Variants in GNAQ observed in about 807,000 individuals in gnomAD.
GNAQ encodes G protein subunit alpha q.
A neutral mutation model predicts 43.9 loss-of-function variants in GNAQ; 8 were observed. That is an observed-to-expected ratio of 0.18 (90% CI 0.11 to 0.33). GNAQ has a LOEUF of 0.33. GNAQ is among the 10% of genes least tolerant of loss of function. The pLI, the probability that GNAQ is intolerant of heterozygous loss-of-function variation, is 1.00. For synonymous variants in GNAQ, 155 were observed against 170.7 expected (o/e 0.91, Z 0.71); for missense variants, 158 against 450.8 (o/e 0.35, Z 5.88).
intron 3 of GNAQ, among the ~76,000 whole-genome samples, chr9:77,813,869 G>T (rs761407196): frequency 1.3e-5 from 2 of 152,168 alleles, no homozygotes; most frequent in Non-Finnish European, 2.9e-5. Context: ...AATGATGCAA[G>T]GTGAAGAATT....
At chr9:78,019,548 T>A (rs1333577465) in intron 1 of GNAQ, among the ~76,000 whole-genome samples, 4 of 152,258 alleles carry the variant, frequency 2.6e-5, no homozygotes, top group Non-Finnish European at 5.9e-5. Context: ...ACTGAGTTTT[T>A]CTCTCAAATT....
At chr9:77,887,730 A>G (rs1327285816) in intron 2 of GNAQ, among the ~76,000 whole-genome samples, 1 of 152,244 alleles carries the variant, frequency 6.6e-6, no homozygotes, top group Non-Finnish European at 1.5e-5. Flanking sequence ...AAAAGACTAT[A>G]AATCATGTTA....
At chr9:77,953,990 G>A (rs1292270321) in intron 1 of GNAQ, among the ~76,000 whole-genome samples, 1 of 152,070 alleles carries the variant, frequency 6.6e-6, no homozygotes, top group Non-Finnish European at 1.5e-5. Flanking sequence ...CAAATATTTT[G>A]TATCCCACTT....
intron 1 of GNAQ, among the ~76,000 whole-genome samples, chr9:77,996,849 A>T (rs1312179082): frequency 6.6e-6 from 1 of 152,192 alleles, no homozygotes; most frequent in Non-Finnish European, 1.5e-5. Flanking sequence ...ATCTCATTAA[A>T]CTAACAAATA....
chr9:77,981,050 A>C (rs1010623415), intron 1 of GNAQ, among the ~76,000 whole-genome samples: 1 of 152,240 alleles, frequency 6.6e-6, no homozygotes, highest in African/African-American at 2.4e-5. Flanking sequence ...TTCTATTAGA[A>C]AGTGAGTGGT....
intron 1 of GNAQ, among the ~76,000 whole-genome samples, chr9:77,972,716 G>A (rs2118465243): frequency 6.6e-6 from 1 of 152,226 alleles, no homozygotes; most frequent in East Asian, 1.9e-4. Flanking sequence ...CACTTTGGGA[G>A]GCCGAGGCGG....
intron 2 of GNAQ, among the ~76,000 whole-genome samples, chr9:77,844,698 G>A (rs1489863551): frequency 1.3e-5 from 2 of 151,964 alleles, no homozygotes; most frequent in Non-Finnish European, 2.9e-5. Flanking sequence ...TTGAGATGGA[G>A]TTTCGCTCTT....
At chr9:77,767,456 T>TA (rs1027606724) in intron 5 of GNAQ, among the ~76,000 whole-genome samples, 3 of 152,164 alleles carry the variant, frequency 2.0e-5, no homozygotes, top group Non-Finnish European at 2.9e-5. Context: ...GCTGCTCTGG[T>TA]AGTATGCATC....
In GNAQ at chr9:77,728,229, G is replaced by A. The variant is rs189290233; in HGVS notation, c.889+285C>T. Among the ~76,000 whole-genome samples, 21 of 152,288 alleles carry A rather than the reference G, an allele frequency of 1.4e-4. No homozygotes were observed. The East Asian group carries it at 2.7e-3, about 20-fold the overall frequency. Reference sequence around the variant, plus strand: ...AGGATGGTCTCGATCGCTTGACCTCGTGATCCGCCTGCCTCGGCCTCCCAA... The same window carrying A: ...AGGATGGTCTCGATCGCTTGACCTCATGATCCGCCTGCCTCGGCCTCCCAA... On this transcript the variant is annotated intron_variant, in intron 6 of 6. Transcript: ENST00000286548.
intron 2 of GNAQ, among the ~76,000 whole-genome samples, chr9:77,838,137 A>ATTTTTTTT (rs574992587): frequency 2.3e-5 from 2 of 87,174 alleles, no homozygotes; most frequent in Non-Finnish European, 4.5e-5. Context: ...GGCATTAATG[A>ATTTTTTTT]TTTTTTTTTT....
intron 2 of GNAQ, among the ~76,000 whole-genome samples, chr9:77,908,787 C>T (rs1828753189): frequency 6.6e-6 from 1 of 152,132 alleles, no homozygotes; most frequent in Admixed American, 6.6e-5. Flanking sequence ...TCCAAGAGGC[C>T]TTTACTTTGG....
chr9:77,865,251 T>A, intron 2 of GNAQ, among the ~76,000 whole-genome samples: 1 of 152,190 alleles, frequency 6.6e-6, no homozygotes. Context: ...ATGATGGCAT[T>A]TGGTGAATAC....
At chr9:77,788,963 C>A (rs1826525678) in intron 5 of GNAQ, among the ~76,000 whole-genome samples, 1 of 152,176 alleles carries the variant, frequency 6.6e-6, no homozygotes, top group African/African-American at 2.4e-5. Flanking sequence ...GGCTCAGTAC[C>A]TGAAGAAGCT....
chr9:78,001,917 G>A (rs1823648363), intron 1 of GNAQ, among the ~76,000 whole-genome samples: 1 of 152,046 alleles, frequency 6.6e-6, no homozygotes, highest in South Asian at 2.1e-4. Context: ...AGCCTCTCCA[G>A]GTCACTCTAG....
chr9:78,023,946 A>G (rs1019214230), intron 1 of GNAQ, among the ~76,000 whole-genome samples: 3 of 152,142 alleles, frequency 2.0e-5, no homozygotes, highest in Non-Finnish European at 4.4e-5. Flanking sequence ...ATATGTGTGT[A>G]TATACACACA....
intron 1 of GNAQ, among the ~76,000 whole-genome samples, chr9:77,989,298 G>T (rs1474676589): frequency 6.6e-6 from 1 of 152,094 alleles, no homozygotes; most frequent in Non-Finnish European, 1.5e-5. Flanking sequence ...GCCAGCAAAG[G>T]CCCAAATCAG....
chr9:77,956,811 G>C (rs1185034048), intron 1 of GNAQ, among the ~76,000 whole-genome samples: 4 of 152,104 alleles, frequency 2.6e-5, no homozygotes, highest in African/African-American at 9.7e-5. Context: ...GGGGCTCCAG[G>C]GACACACTGT....
At chr9:77,752,736 T>C (rs1825830925) in intron 5 of GNAQ, among the ~76,000 whole-genome samples, 1 of 152,246 alleles carries the variant, frequency 6.6e-6, no homozygotes. Context: ...GATGTTATTC[T>C]GCATGTAAAT....
At chr9:77,804,710 G>A (rs1156371958) in intron 3 of GNAQ, among the ~76,000 whole-genome samples, 1 of 152,102 alleles carries the variant, frequency 6.6e-6, no homozygotes, top group Non-Finnish European at 1.5e-5. Context: ...GTTGGAGGTT[G>A]GGGAGCTCTT....
Sources: gnomAD v4.1 joint callset for allele counts (sites outside exome capture counted in the v4.1 genomes callset) on GRCh38, gnomAD v4.1.1 for gene constraint, MANE v1.5 for transcripts, NCBI Gene and HGNC (gene_info 2026-07-23, HGNC 2026-07-21) for gene names.